The following ADGRG7 variants were observed in gnomAD, a reference collection of about 807,000 sequenced individuals.
ADGRG7 encodes G-protein coupled receptor 128.
A neutral mutation model predicts 88.6 loss-of-function variants in ADGRG7; 82 were observed. That is an observed-to-expected ratio of 0.93 (90% CI 0.77 to 1.11). ADGRG7 has a LOEUF of 1.11. Ranked by LOEUF, ADGRG7 falls within the 50% of genes most tolerant of loss-of-function variation. The pLI is 0.00. For missense variants in ADGRG7, 945 were observed against 953.4 expected, an observed-to-expected ratio of 0.99 and a Z score of 0.12; for synonymous variants, 381 against 345.2, an observed-to-expected ratio of 1.10 and a Z score of -1.15.
chr3:100,643,755 G>C (rs1482857153), intron 8 of ADGRG7, 122 bp downstream of exon 8: 2 of 631,434 alleles, frequency 3.2e-6, no homozygotes, highest in African/African-American at 1.9e-5. Flanking sequence ...TTGCATTTGA[G>C]TAAGTTTGAG....
chr3:100,609,908 G>A lies in ADGRG7; in HGVS notation c.52G>A (p.Gly18Arg). The change falls in exon 1 of 16, where the codon GGA (glycine) becomes AGA (arginine). Residue 18 changes from glycine to arginine, a missense_variant. By Grantham distance (125) the Gly-to-Arg change is moderately radical (BLOSUM62 -2). Coordinates refer to ENST00000273352, the MANE Select transcript of ADGRG7 (RefSeq NM_032787.3). ...TAGGGTGCTGGTGGCTGTCGTGTGT[G>A]GACTACTGACTGGCATCATTTTGGG... is the stretch of plus-strand genomic sequence containing the variant. The part of the protein sequence containing the change: ...NLRVLVAVVC[G>R]LLTGIILGLG... The A allele has an allele frequency of 1.2e-6, 2 of 1,614,022 alleles. No homozygotes were observed. The highest frequency in any genetic ancestry group is 1.7e-6 in the Non-Finnish European group (2 of 1,179,914).
At position 100,666,273 on chromosome 3, in the gene ADGRG7, A is replaced by T. The variant is rs553696022; in HGVS notation, c.1980-2676A>T. On this transcript the variant is annotated intron_variant, in intron 14 of 15. Coordinates refer to ENST00000273352, the MANE Select transcript of ADGRG7 (RefSeq NM_032787.3). ...GGGACCCGGGGAACCAGCGTTCAGC[A>T]TATGGAGGATCCCGCCAGCCTCTGA... Among the ~76,000 whole-genome samples, 7 of 152,270 alleles carry T rather than the reference A, an allele frequency of 4.6e-5. No homozygotes were observed. The East Asian group carries it at 1.4e-3, about 29-fold the overall frequency.
chr3:100,643,209 A>C, intron 6 of ADGRG7, 57 bp from the exon 7 acceptor site: 1 of 1,511,666 alleles, frequency 6.6e-7, no homozygotes, highest in Non-Finnish European at 9.1e-7. Flanking sequence ...GACAGAACAC[A>C]TACCTTTCAT....
At chr3:100,668,543 G>A (rs2094954460) in intron 14 of ADGRG7, among the ~76,000 whole-genome samples, 1 of 152,206 alleles carries the variant, frequency 6.6e-6, no homozygotes, top group South Asian at 2.1e-4. Flanking sequence ...AGATCACTCT[G>A]CATCTAACTA....
intron 14 of ADGRG7, chr3:100,665,221 C>T (rs539365259): frequency 7.4e-6 from 4 of 539,990 alleles, no homozygotes; most frequent in African/African-American, 1.9e-5. Context: ...AAATAAAGCA[C>T]GGAGGATATG....
At chr3:100,651,862 A>C (rs1331691081) in intron 11 of ADGRG7, among the ~76,000 whole-genome samples, 1 of 152,168 alleles carries the variant, frequency 6.6e-6, no homozygotes, top group Non-Finnish European at 1.5e-5. Context: ...TTCAGCTTTA[A>C]GATGTTGCAA....
chr3:100,631,972 A>G (rs1462238309), intron 3 of ADGRG7, among the ~76,000 whole-genome samples: 1 of 152,106 alleles, frequency 6.6e-6, no homozygotes, highest in African/African-American at 2.4e-5. Flanking sequence ...TTTTTTACTC[A>G]CAGCGTAAAA....
intron 15 of ADGRG7, among the ~76,000 whole-genome samples, chr3:100,682,788 G>A (rs1179027845): frequency 6.6e-6 from 1 of 152,158 alleles, no homozygotes. Context: ...CGGGAACCGG[G>A]GGCAAGCGGG....
intron 10 of ADGRG7, among the ~76,000 whole-genome samples, chr3:100,647,051 G>T (rs1468733300): frequency 6.6e-6 from 1 of 152,228 alleles, no homozygotes; most frequent in African/African-American, 2.4e-5. Flanking sequence ...CAGCTACTCA[G>T]GAGGCTGAGG....
At chr3:100,688,654 C>A (rs897647061) in intron 15 of ADGRG7, among the ~76,000 whole-genome samples, 7 of 152,256 alleles carry the variant, frequency 4.6e-5, no homozygotes, top group Admixed American at 4.6e-4. Context: ...CATTCAGGAA[C>A]GGGTTGTTCA....
At chr3:100,630,546 A>G (rs1034985176) in intron 2 of ADGRG7, among the ~76,000 whole-genome samples, 159 bp from the exon 3 acceptor site, 1 of 152,232 alleles carries the variant, frequency 6.6e-6, no homozygotes, top group African/African-American at 2.4e-5. Flanking sequence ...TGACTTAACC[A>G]GATAGCAAAG....
chr3:100,657,216 C>A (rs1474679458), intron 13 of ADGRG7, among the ~76,000 whole-genome samples: 1 of 152,162 alleles, frequency 6.6e-6, no homozygotes, highest in Non-Finnish European at 1.5e-5. Flanking sequence ...TAAGCATCTG[C>A]CTCCTCCTGA....
intron 3 of ADGRG7, among the ~76,000 whole-genome samples, chr3:100,632,494 A>G (rs1179994615): frequency 6.6e-6 from 1 of 152,190 alleles, no homozygotes; most frequent in Admixed American, 6.5e-5. Flanking sequence ...GAAAAGATGC[A>G]TCTGACATGT....
intron 14 of ADGRG7, among the ~76,000 whole-genome samples, chr3:100,661,501 A>G (rs1009894928): frequency 2.0e-5 from 3 of 152,202 alleles, no homozygotes; most frequent in African/African-American, 7.2e-5. Context: ...ACTAGCAGAG[A>G]CTGAAACCAC....
intron 4 of ADGRG7, among the ~76,000 whole-genome samples, chr3:100,634,093 T>G (rs1707496290): frequency 1.3e-5 from 2 of 152,192 alleles, no homozygotes; most frequent in South Asian, 4.1e-4. Context: ...GCAGTATCTA[T>G]GAGCAGGTGA....
At chr3:100,676,482 T>G (rs1377530160) in intron 15 of ADGRG7, among the ~76,000 whole-genome samples, 2 of 152,120 alleles carry the variant, frequency 1.3e-5, no homozygotes, top group Admixed American at 1.3e-4. Context: ...ATAATTTCAT[T>G]TTTTTGGATT....
chr3:100,626,690 T>C (rs1000038121), intron 1 of ADGRG7, among the ~76,000 whole-genome samples: 8 of 151,920 alleles, frequency 5.3e-5, no homozygotes, highest in African/African-American at 1.9e-4. Context: ...GAGGCTGAGG[T>C]AGAAGAATCG....
At chr3:100,620,912 G>T (rs74863411) in intron 1 of ADGRG7, among the ~76,000 whole-genome samples, 2,294 of 151,394 alleles carry the variant, frequency 0.015, 48 homozygotes, top group African/African-American at 0.052. Context: ...CCAATAACAT[G>T]TGCTCGCTTC....
chr3:100,666,072 G>T (rs1212279607), intron 14 of ADGRG7, among the ~76,000 whole-genome samples: 2 of 148,640 alleles, frequency 1.3e-5, no homozygotes, highest in African/African-American at 5.0e-5. Flanking sequence ...TTTTTTTTGA[G>T]ATGGAGTCTT....
Sources: gnomAD v4.1 joint callset for allele counts (sites outside exome capture counted in the v4.1 genomes callset) on GRCh38, gnomAD v4.1.1 for gene constraint, MANE v1.5 for transcripts, NCBI Gene and HGNC (gene_info 2026-07-23, HGNC 2026-07-21) for gene names.